Variants in RPL38 observed in about 807,000 individuals in gnomAD.
The protein encoded by RPL38 is ribosomal protein L38.
A neutral mutation model predicts 12.8 loss-of-function variants in RPL38; 2 were observed. The ratio of observed to expected loss-of-function variants is 0.16; its 90% confidence interval spans 0.06 to 0.49. The LOEUF (loss-of-function observed/expected upper bound fraction) is 0.49. Among genes scored for constraint, RPL38 ranks in the 20% least tolerant of loss-of-function variants. RPL38 has a pLI of 0.96. For synonymous variants in RPL38, 42 were observed against 30.1 expected, an observed-to-expected ratio of 1.39 and a Z score of -1.29; for missense variants, 52 against 79.8, an observed-to-expected ratio of 0.65 and a Z score of 1.33.
At position 74,209,991 on chromosome 17, in the gene RPL38, TTTTTTTC is replaced by T; in HGVS notation, c.*166_*172del. 6 of 587,182 alleles carry T rather than the reference TTTTTTTC, an allele frequency of 1.0e-5. No individual in the cohort carries two copies. The highest frequency in any genetic ancestry group is 1.2e-5 in the Non-Finnish European group (4 of 336,502). 36.4% of individuals were successfully genotyped at this position (587,182 alleles called of 1,614,324 possible). A position where few individuals can be genotyped will look rare whatever the true frequency, so the allele number is the denominator to read the frequency against. Reference sequence around the variant, plus strand: ...GCCTTCCTGTGTCTTTTTTTTTTTTTTTTTTTCTTTCTTTGAGACGGAGTCTTGCTCT... The same window carrying T: ...GCCTTCCTGTGTCTTTTTTTTTTTTTTTTCTTTGAGACGGAGTCTTGCTCT... On this transcript the variant is annotated 3_prime_UTR_variant, in exon 5 of 5. Coordinates refer to ENST00000311111, the MANE Select transcript of RPL38 (RefSeq NM_000999.4).
intron 3 of RPL38, among the ~76,000 whole-genome samples, chr17:74,208,275 G>A (rs1007324314): frequency 3.3e-5 from 5 of 152,176 alleles, no homozygotes; most frequent in African/African-American, 1.2e-4. Context: ...CCTGGGAAGG[G>A]GTTGTCTCAC....
chr17:74,204,288 C>T (rs2050090204), intron 3 of RPL38, 98 bp downstream of exon 3: 10 of 1,089,232 alleles, frequency 9.2e-6, no homozygotes, highest in African/African-American at 1.6e-5. Context: ...ACGGTTAGGC[C>T]GTCTGGGTGT....
At chr17:74,205,392 C>T (rs2050103717) in intron 3 of RPL38, 1 of 152,210 alleles carries the variant, frequency 6.6e-6, no homozygotes, top group South Asian at 2.1e-4. Flanking sequence ...CACCAGCCGT[C>T]TCTAATGCTC....
intron 3 of RPL38, among the ~76,000 whole-genome samples, chr17:74,206,751 T>G (rs2050118578): frequency 6.7e-6 from 1 of 149,656 alleles, no homozygotes; most frequent in South Asian, 2.1e-4. Flanking sequence ...GTCACTCTGT[T>G]GCCCAGACTG....
intron 3 of RPL38, among the ~76,000 whole-genome samples, chr17:74,208,728 G>A (rs2050138068): frequency 6.6e-6 from 1 of 152,200 alleles, no homozygotes; most frequent in Non-Finnish European, 1.5e-5. Flanking sequence ...GAGGTCCAGA[G>A]ATTAAGACCA....
chr17:74,203,871 G>A (rs2050083549), intron 1 of RPL38, 47 bp from the exon 2 acceptor site: 17 of 1,481,280 alleles, frequency 1.1e-5, no homozygotes, highest in Non-Finnish European at 1.4e-5. Flanking sequence ...AACGGGGTTC[G>A]CTGCCAGCCC....
At chr17:74,204,699 TAAAA>T (rs999446120) in intron 3 of RPL38, 5 of 152,474 alleles carry the variant, frequency 3.3e-5, no homozygotes, top group African/African-American at 1.2e-4. Flanking sequence ...GAAAAATATT[TAAAA>T]AAATTTTTTT....
At chr17:74,209,653 A>C in intron 4 of RPL38, 151 bp from the exon 5 acceptor site, 1 of 715,166 alleles carries the variant, frequency 1.4e-6, no homozygotes, top group Non-Finnish European at 2.4e-6. Context: ...AAGTCTTTTT[A>C]TCAAACACTA....
intron 3 of RPL38, chr17:74,204,469 G>A: frequency 2.2e-6 from 1 of 454,138 alleles, no homozygotes; most frequent in Non-Finnish European, 4.0e-6. Context: ...TTGTCGGAAC[G>A]GAATCTCCAC....
chr17:74,204,474 C>T (rs1437411771), intron 3 of RPL38: 7 of 447,210 alleles, frequency 1.6e-5, no homozygotes, highest in Non-Finnish European at 2.9e-5. Flanking sequence ...GGAACGGAAT[C>T]TCCACTCCGC....
chr17:74,209,312 G>A lies in RPL38; in HGVS notation c.187+3G>A. 6.2e-7 allele frequency: 1 copy of A among 1,613,930 alleles called. No homozygotes were observed. Among genetic ancestry groups the A allele is most frequent in the Non-Finnish European group, 8.5e-7 (1 of 1,179,970 alleles). ...ACTGAAGCAGTCCCTGCCCCCCGGT[G>A]AGTGAGCCTGAAGTCACTTCAGGGG... On this transcript the variant is annotated splice_donor_region_variant and intron_variant, in intron 4 of 4. Transcript: ENST00000311111.
In RPL38 at chr17:74,203,974, G is replaced by T. The variant is rs759323397; in HGVS notation, c.3+16G>T. The T allele has an allele frequency of 1.4e-5, 22 of 1,612,910 alleles. No individual in the cohort carries two copies. The South Asian group carries it at 2.1e-4, about 15-fold the overall frequency. On this transcript the variant is annotated intron_variant, in intron 2 of 4. Coordinates refer to ENST00000311111, the MANE Select transcript of RPL38 (RefSeq NM_000999.4). ...CGTCGCCATGGTGAGTACAGTCCCT[G>T]CCTGGCGCCTTCCCGGGGTGGGCTC...
At chr17:74,203,830 A>T in intron 1 of RPL38, 85 bp downstream of exon 1, 1 of 1,236,146 alleles carries the variant, frequency 8.1e-7, no homozygotes, top group South Asian at 1.5e-5. Context: ...GGGGAGTGCG[A>T]TGGGGCCGAT....
At chr17:74,205,396 A>C (rs1158111264) in intron 3 of RPL38, 1 of 152,232 alleles carries the variant, frequency 6.6e-6, no homozygotes, top group East Asian at 1.9e-4. Flanking sequence ...AGCCGTCTCT[A>C]ATGCTCTGCC....
rs2050150564 is a variant in RPL38 at position 74,209,972 on chromosome 17, C to T, written c.*143C>T. On this transcript the variant is annotated 3_prime_UTR_variant, in exon 5 of 5. Coordinates refer to ENST00000311111, the MANE Select transcript of RPL38 (RefSeq NM_000999.4). ...GGACGCGGGTTCTGTTGCTGCCTTC[C>T]TGTGTCTTTTTTTTTTTTTTTTTTT... 5 of 545,502 alleles carry T rather than the reference C, an allele frequency of 9.2e-6. No homozygotes were observed. Among genetic ancestry groups the T allele is most frequent in the South Asian group, 2.4e-5 (1 of 42,212 alleles). 33.8% of individuals were successfully genotyped at this position (545,502 alleles called of 1,614,324 possible).
intron 3 of RPL38, among the ~76,000 whole-genome samples, chr17:74,206,927 A>C (rs1360830251): frequency 1.3e-5 from 2 of 151,178 alleles, no homozygotes; most frequent in East Asian, 3.9e-4. Flanking sequence ...CGAGTGAGCC[A>C]GGATGGTCTC....
intron 4 of RPL38, 137 bp downstream of exon 4, chr17:74,209,446 G>T: frequency 1.1e-6 from 1 of 935,738 alleles, no homozygotes. Flanking sequence ...CTTGCTGTTG[G>T]GAGTGTGAGG....
At chr17:74,207,243 GTCCTCCCACCTTA>G (rs2050123483) in intron 3 of RPL38, among the ~76,000 whole-genome samples, 2 of 151,548 alleles carry the variant, frequency 1.3e-5, no homozygotes, top group Non-Finnish European at 1.5e-5. Context: ...GCCTCAAGCA[GTCCTCCCACCTTA>G]GCCTCCCAAA....
intron 1 of RPL38, 65 bp downstream of exon 1, chr17:74,203,810 G>C (rs1196958820): frequency 5.8e-6 from 6 of 1,030,562 alleles, no homozygotes; most frequent in Admixed American, 2.8e-5. Context: ...GAGGGTGTCG[G>C]GGAGGAGAAG....
Sources: allele counts gnomAD v4.1 joint callset (sites outside exome capture counted in the v4.1 genomes callset), GRCh38; gene constraint gnomAD v4.1.1; transcripts MANE v1.5; gene names NCBI Gene and HGNC (gene_info 2026-07-23, HGNC 2026-07-21).